The following PIK3CD variants were observed in gnomAD, a reference collection of about 807,000 sequenced individuals.
PIK3CD encodes the protein phosphatidylinositol-4,5-bisphosphate 3-kinase catalytic subunit delta.
In PIK3CD, 20 loss-of-function variants were observed where a neutral mutation model predicts 122.9. The ratio of observed to expected loss-of-function variants is 0.16; its 90% CI spans 0.11 to 0.24. The LOEUF is 0.24. Ranked by LOEUF, PIK3CD falls within the 10% of genes least tolerant of loss-of-function variation. The pLI is 1.00. For synonymous variants in PIK3CD, 596 were observed against 593.4 expected, an observed-to-expected ratio of 1.00 and a Z score of -0.06; for missense variants, 787 against 1,406.3, an observed-to-expected ratio of 0.56 and a Z score of 7.04.
Position 9,724,498 on chromosome 1 carries a change from T to C in PIK3CD, c.2864+77T>C. On this transcript the variant is annotated intron_variant, in intron 22 of 23. Coordinates refer to ENST00000377346, the MANE Select transcript of PIK3CD (RefSeq NM_005026.5). This position sits in a 1 kb window ranked among gnomAD's most constrained non-coding sequence, Gnocchi z 7.3. Reference sequence around the variant, plus strand: ...ACAGGGCAGAGGTTCCCAGGCAGGGTGCAGGATGGGGCTCAGGTCTCAACC... The same window carrying C: ...ACAGGGCAGAGGTTCCCAGGCAGGGCGCAGGATGGGGCTCAGGTCTCAACC... The C allele has an allele frequency of 6.5e-7, 1 of 1,536,134 alleles. No individual in the cohort carries two copies. The highest frequency in any genetic ancestry group is 9.0e-7 in the Non-Finnish European group (1 of 1,113,622).
At chr1:9,664,667 G>T (rs1198446270) in intron 1 of PIK3CD, among the ~76,000 whole-genome samples, 1 of 152,188 alleles carries the variant, frequency 6.6e-6, no homozygotes, top group Non-Finnish European at 1.5e-5. Flanking sequence ...CTCTCGTTTG[G>T]TCAGGGAGAG....
intron 2 of PIK3CD, among the ~76,000 whole-genome samples, chr1:9,703,874 G>A (rs1192928544): frequency 6.6e-6 from 1 of 152,218 alleles, no homozygotes; most frequent in Non-Finnish European, 1.5e-5. Context: ...TCTCTGGGGT[G>A]TGTACTTTGG....
chr1:9,724,197 C>G lies in PIK3CD; in HGVS notation c.2719-79C>G. On this transcript the variant is annotated intron_variant, in intron 21 of 23. Coordinates refer to ENST00000377346, the MANE Select transcript of PIK3CD (RefSeq NM_005026.5). The surrounding 1 kb of genome is among the most constrained non-coding windows in gnomAD (Gnocchi z 7.3). ...GCTCTGTGGCAGGGGTCCCCCAGCC[C>G]TGCTGGCTTCCTGTCTCCCCTGGAT... 1 of 1,612,584 alleles carries G rather than the reference C, an allele frequency of 6.2e-7. No individual in the cohort carries two copies. The highest frequency in any genetic ancestry group is 1.1e-5 in the South Asian group (1 of 91,048).
At chr1:9,697,085 T>C (rs1310389432) in intron 2 of PIK3CD, among the ~76,000 whole-genome samples, 6 of 140,830 alleles carry the variant, frequency 4.3e-5, no homozygotes, top group Non-Finnish European at 9.3e-5. Flanking sequence ...AAAAAAAAAA[T>C]TGTAGGCTGA....
rs931351513 is a variant in PIK3CD at position 9,710,202 on chromosome 1, G to A, written c.-32-222G>A. ...GGGGAGGACATGCAGTGTCTGCCTG[G>A]GAGAAGAGGCAGCTGAGGCCGTGGC... is the stretch of plus-strand genomic sequence containing the variant. On this transcript the variant is annotated intron_variant, in intron 2 of 23. Coordinates refer to ENST00000377346, the MANE Select transcript of PIK3CD (RefSeq NM_005026.5). The surrounding 1 kb of genome is among the most constrained non-coding windows in gnomAD (Gnocchi z 4.7). 26 of 523,816 alleles carry A rather than the reference G, an allele frequency of 5.0e-5. No homozygotes were observed. The highest frequency in any genetic ancestry group is 8.7e-5 in the Non-Finnish European group (25 of 286,956). The allele number at this position is 523,816 out of a possible 1,614,324, so 32.4% of individuals were successfully genotyped here.
At chr1:9,675,493 A>T (rs916773636) in intron 1 of PIK3CD, among the ~76,000 whole-genome samples, 31 of 152,106 alleles carry the variant, frequency 2.0e-4, no homozygotes, top group African/African-American at 7.2e-4. Flanking sequence ...TAACTTACCT[A>T]AGTCTTACCC....
chr1:9,679,507 A>T (rs1645667873), intron 1 of PIK3CD, among the ~76,000 whole-genome samples: 2 of 151,516 alleles, frequency 1.3e-5, no homozygotes, highest in Non-Finnish European at 2.9e-5. Flanking sequence ...AGCGCCCCAC[A>T]CCCACATCGC....
At chr1:9,653,637 T>C (rs781236300) in intron 1 of PIK3CD, 2 of 444,168 alleles carry the variant, frequency 4.5e-6, no homozygotes, top group Non-Finnish European at 8.5e-6. Context: ...CCCAATTTGA[T>C]TGATGTGTTG....
chr1:9,675,931 AT>A (rs577007319), intron 1 of PIK3CD, among the ~76,000 whole-genome samples: 270 of 132,124 alleles, frequency 2.0e-3, no homozygotes, highest in Admixed American at 1.9e-3. Context: ...CACCAAGCTA[AT>A]TTTTTTTTTT....
At chr1:9,694,084 T>TG (rs1646308883) in intron 2 of PIK3CD, among the ~76,000 whole-genome samples, 1 of 152,170 alleles carries the variant, frequency 6.6e-6, no homozygotes, top group African/African-American at 2.4e-5. Flanking sequence ...CGAGTTAGTT[T>TG]GCCAAGCAGT....
At chr1:9,658,217 C>G (rs12046851) in intron 1 of PIK3CD, among the ~76,000 whole-genome samples, 1 of 151,752 alleles carries the variant, frequency 6.6e-6, no homozygotes, top group Admixed American at 6.6e-5. Flanking sequence ...ACCCCCATCT[C>G]TGCAAAAAAT....
At chr1:9,637,549 T>A in the PIK3CD span, among the ~76,000 whole-genome samples, 1 of 151,226 alleles carries the variant, frequency 6.6e-6, no homozygotes, top group Non-Finnish European at 1.5e-5. Flanking sequence ...GCCAGTTTAT[T>A]CTCTTCCAGT....
chr1:9,705,884 G>A (rs967228786), intron 2 of PIK3CD, among the ~76,000 whole-genome samples: 5 of 152,154 alleles, frequency 3.3e-5, no homozygotes, highest in Admixed American at 6.6e-5. Flanking sequence ...GGGCACCACC[G>A]TCTTGAGGAC....
Position 9,720,685 on chromosome 1 carries a change from TG to T in PIK3CD, c.1521+30del. On this transcript the variant is annotated intron_variant, in intron 12 of 23. Coordinates refer to ENST00000377346, the MANE Select transcript of PIK3CD (RefSeq NM_005026.5). The surrounding 1 kb of genome is among the most constrained non-coding windows in gnomAD (Gnocchi z 9.0). Reference sequence around the variant, plus strand: ...AGGTGAGTGGGGTGGGGGTGTGGGGTGGGGGGCATGGAGCCGGCGTGGAACC... The same window carrying T: ...AGGTGAGTGGGGTGGGGGTGTGGGGTGGGGGCATGGAGCCGGCGTGGAACC... The T allele has an allele frequency of 1.3e-5, 2 of 149,400 alleles. No homozygotes were observed. The highest frequency in any genetic ancestry group is 1.2e-5 in the Non-Finnish European group (1 of 82,750). The allele number at this position is 149,400 out of a possible 1,614,324, so 9.3% of individuals were successfully genotyped here.
Position 9,715,620 on chromosome 1 carries a change from A to G in PIK3CD, c.221A>G (p.Asn74Ser), listed in dbSNP as rs1043386158. 1.9e-6 allele frequency: 3 copies of G among 1,613,846 alleles called. No homozygotes were observed. Among genetic ancestry groups the G allele is most frequent in the South Asian group, 1.1e-5 (1 of 91,092 alleles). The change falls in exon 4 of 24, where the codon AAC becomes AGC. Residue 74 changes from asparagine to serine, a missense_variant. This residue lies in a region of PIK3CD where 592 missense variants were observed against 920.6 expected (regional missense o/e 0.64). Coordinates refer to ENST00000377346, the MANE Select transcript of PIK3CD (RefSeq NM_005026.5). The surrounding 1 kb of genome is among the most constrained non-coding windows in gnomAD (Gnocchi z 4.1). ...GPEAYVFTCI[N>S]QTAEQQELED... ...GAGGCCTATGTGTTCACCTGCATCA[A>G]CCAGACAGCGGAGCAGCAAGAGCTG...
At chr1:9,635,444 A>C in the PIK3CD span, among the ~76,000 whole-genome samples, 1 of 152,100 alleles carries the variant, frequency 6.6e-6, no homozygotes, top group South Asian at 2.1e-4. Flanking sequence ...AGGGCAAAAG[A>C]GGCCCTGCAG....
chr1:9,650,581 A>G (rs4529712), upstream of PIK3CD, among the ~76,000 whole-genome samples: 79,867 of 151,480 alleles, frequency 0.53, 22,683 homozygotes, highest in East Asian at 0.9. Context: ...CCGAGATGGC[A>G]CCACTGCATT....
chr1:9,693,872 G>C (rs977825019), intron 2 of PIK3CD, among the ~76,000 whole-genome samples: 1 of 152,070 alleles, frequency 6.6e-6, no homozygotes, highest in Non-Finnish European at 1.5e-5. Flanking sequence ...GCTTCGAAAG[G>C]TGGTGTGTGC....
chr1:9,651,034 G>C (rs557818541), upstream of PIK3CD, among the ~76,000 whole-genome samples: 17 of 152,142 alleles, frequency 1.1e-4, no homozygotes, highest in African/African-American at 4.1e-4. Flanking sequence ...TTGTAGAGAC[G>C]GGGGTTTCCC....
Sources: gnomAD v4.1 joint callset for allele counts (sites outside exome capture counted in the v4.1 genomes callset) on GRCh38, gnomAD v4.1.1 for gene constraint, gnomAD v4.1.1 regional missense constraint, Gnocchi (gnomAD v3.1) non-coding constraint, MANE v1.5 for transcripts, NCBI Gene and HGNC (gene_info 2026-07-23, HGNC 2026-07-21) for gene names.